The following VMA12 variants were observed in gnomAD, a reference collection of about 807,000 sequenced individuals.
VMA12 encodes vacuolar ATPase assembly factor VMA12, also known as vacuolar ATPase assembly protein VMA12.
the VMA12 span, chr17:28,359,335 G>C: frequency 6.2e-7 from 1 of 1,613,992 alleles, no homozygotes; most frequent in Non-Finnish European, 8.5e-7. Flanking sequence ...TAGTTGCCCG[G>C]CTGGAGAAGA....
the VMA12 span, chr17:28,360,655 G>T: frequency 1.2e-6 from 2 of 1,606,416 alleles, no homozygotes; most frequent in East Asian, 2.2e-5. Context: ...CTGAAACCCA[G>T]TTGGTGGGGG....
the VMA12 span, chr17:28,358,901 AC>A: frequency 6.2e-7 from 1 of 1,603,612 alleles, no homozygotes. Flanking sequence ...TGTTTGTGAA[AC>A]CTTTTCTTCT....
chr17:28,359,134 A>T, the VMA12 span: 1 of 964,134 alleles, frequency 1.0e-6, no homozygotes, highest in Non-Finnish European at 1.5e-6. Context: ...TGTCCTCCCC[A>T]TCAGCTGTTT....
the VMA12 span, chr17:28,358,819 T>C: frequency 1.1e-6 from 1 of 950,912 alleles, no homozygotes; most frequent in Non-Finnish European, 1.6e-6. Flanking sequence ...GATGGCCCTG[T>C]TTTATTTTGG....
chr17:28,358,947 A>G, the VMA12 span: 1 of 1,612,534 alleles, frequency 6.2e-7, no homozygotes, highest in Non-Finnish European at 8.5e-7. Flanking sequence ...AGCTCCTAGA[A>G]GGCAGTGAAA....
At chr17:28,357,818 G>C in the VMA12 span, 1 of 1,614,096 alleles carries the variant, frequency 6.2e-7, no homozygotes, top group African/African-American at 1.3e-5. Context: ...TAGCTCCAGT[G>C]GCCCCCAACG....
At chr17:28,358,302 T>G in the VMA12 span, 35 of 423,894 alleles carry the variant, frequency 8.3e-5, no homozygotes, top group Non-Finnish European at 1.7e-4. Context: ...TTTGTTTGTT[T>G]TTTTAATATA....
the VMA12 span, chr17:28,360,884 G>A: frequency 1.3e-6 from 2 of 1,567,386 alleles, no homozygotes; most frequent in Non-Finnish European, 1.8e-6. Flanking sequence ...TGCCCCTGGT[G>A]GGGGTGTTAG....
chr17:28,363,545 G>C, the VMA12 span: 1 of 152,170 alleles, frequency 6.6e-6, no homozygotes, highest in South Asian at 2.1e-4. Context: ...AGATTAGTTG[G>C]TATTACAGGT....
the VMA12 span, chr17:28,359,285 C>T: frequency 1.2e-6 from 2 of 1,609,850 alleles, no homozygotes; most frequent in Non-Finnish European, 1.7e-6. Context: ...CTGGGAATAT[C>T]ATTCTTCTCA....
the VMA12 span, chr17:28,357,920 T>C: frequency 1.9e-6 from 3 of 1,605,414 alleles, no homozygotes; most frequent in Non-Finnish European, 8.5e-7. Flanking sequence ...CCTCCTTGTG[T>C]CCAGATCGAT....
the VMA12 span, chr17:28,358,076 G>A: frequency 1.6e-6 from 1 of 629,288 alleles, no homozygotes; most frequent in Non-Finnish European, 2.7e-6. Context: ...TGCTTGTGCA[G>A]TTTCTGCTCT....
chr17:28,359,205 G>T, the VMA12 span: 1 of 1,151,564 alleles, frequency 8.7e-7, no homozygotes. Flanking sequence ...CGACTAGTAT[G>T]TGGGTCTCCT....
the VMA12 span, chr17:28,359,339 G>T: frequency 6.2e-7 from 1 of 1,614,084 alleles, no homozygotes; most frequent in Non-Finnish European, 8.5e-7. Flanking sequence ...TGCCCGGCTG[G>T]AGAAGATTAA....
the VMA12 span, chr17:28,359,485 A>G: frequency 1.4e-6 from 2 of 1,383,690 alleles, no homozygotes; most frequent in Non-Finnish European, 2.0e-6. Context: ...CAGAGTTTAG[A>G]AAAAACATGG....
chr17:28,361,244 G>C, the VMA12 span: 1 of 1,614,150 alleles, frequency 6.2e-7, no homozygotes, highest in Non-Finnish European at 8.5e-7. Flanking sequence ...CGAGCTGGGA[G>C]AACTGTAACT....
At chr17:28,357,681 C>T in the VMA12 span, 13 of 1,612,480 alleles carry the variant, frequency 8.1e-6, no homozygotes, top group Middle Eastern at 1.7e-4. Context: ...ATGGCGTCCT[C>T]TTTGCTTGCG....
At chr17:28,360,472 A>G in the VMA12 span, 3 of 1,534,194 alleles carry the variant, frequency 2.0e-6, no homozygotes, top group Non-Finnish European at 2.7e-6. Flanking sequence ...CCAGACTGTC[A>G]ATGGATGCTC....
the VMA12 span, chr17:28,359,533 T>A: frequency 1.3e-6 from 1 of 772,446 alleles, no homozygotes. Flanking sequence ...CCATAGGAAG[T>A]CTGCATACAA....
Sources: allele counts gnomAD v4.1 joint callset, GRCh38; gene constraint gnomAD v4.1.1; transcripts MANE v1.5; gene names NCBI Gene and HGNC (gene_info 2026-07-23, HGNC 2026-07-21).